WWOX: variants seen among roughly 807,000 people sequenced by gnomAD.
WWOX encodes WW domain containing oxidoreductase.
A neutral mutation model predicts 46.2 loss-of-function variants in WWOX; 69 were observed. That is an observed-to-expected ratio of 1.49 (90% confidence interval 1.23 to 1.82). The LOEUF (loss-of-function observed/expected upper bound fraction) is 1.82. WWOX is among the 40% of genes most tolerant of loss of function. The probability of loss-of-function intolerance (pLI) is 0.00; values close to 1 mark genes in which losing one functional copy is unlikely to be tolerated. For missense variants in WWOX, 919 were observed against 542.6 expected (o/e 1.69, Z -6.89); for synonymous variants, 359 against 202.6 (o/e 1.77, Z -6.56).
At chr16:78,998,268 A>G (rs965055097) in intron 8 of WWOX, among the ~76,000 whole-genome samples, 1 of 152,170 alleles carries the variant, frequency 6.6e-6, no homozygotes, top group Non-Finnish European at 1.5e-5. Context: ...TGGACTGCAC[A>G]TCAGTTCATT....
At chr16:78,227,231 C>T (rs1231114915) in intron 5 of WWOX, among the ~76,000 whole-genome samples, 2 of 152,138 alleles carry the variant, frequency 1.3e-5, no homozygotes, top group African/African-American at 2.4e-5. Flanking sequence ...GCGAATTGTA[C>T]GCTTTAAGGT....
chr16:79,142,436 C>G (rs1472039170), intron 8 of WWOX, among the ~76,000 whole-genome samples: 2 of 152,158 alleles, frequency 1.3e-5, no homozygotes, highest in African/African-American at 4.8e-5. Flanking sequence ...AGAATATTTT[C>G]ACCACGGAAA....
At chr16:78,414,565 A>C (rs929686329) in intron 6 of WWOX, among the ~76,000 whole-genome samples, 4 of 152,174 alleles carry the variant, frequency 2.6e-5, no homozygotes, top group African/African-American at 4.8e-5. Flanking sequence ...AAACTGTCTT[A>C]AAACAAACAA....
intron 4 of WWOX, 53 bp from the exon 5 acceptor site, chr16:78,164,130 A>T: frequency 6.6e-7 from 1 of 1,513,296 alleles, no homozygotes; most frequent in Non-Finnish European, 9.1e-7. Context: ...ATTCAACATG[A>T]CTCACTGTGT....
intron 8 of WWOX, among the ~76,000 whole-genome samples, chr16:78,908,371 C>G (rs2045020906): frequency 6.6e-6 from 1 of 152,134 alleles, no homozygotes; most frequent in South Asian, 2.1e-4. Flanking sequence ...GAAACCCCAT[C>G]CCTACTAAAG....
At chr16:78,374,773 A>G (rs1252079316) in intron 5 of WWOX, among the ~76,000 whole-genome samples, 2 of 151,682 alleles carry the variant, frequency 1.3e-5, no homozygotes, top group Admixed American at 1.3e-4. Flanking sequence ...GATGGTCTTG[A>G]TCTCCTGACC....
chr16:78,461,557 A>G (rs1271779696), intron 8 of WWOX, among the ~76,000 whole-genome samples: 1 of 152,216 alleles, frequency 6.6e-6, no homozygotes, highest in East Asian at 1.9e-4. Flanking sequence ...CCATGTGTGT[A>G]TGTCTAACCC....
chr16:78,383,500 T>C (rs764898027), intron 5 of WWOX, among the ~76,000 whole-genome samples: 1 of 152,046 alleles, frequency 6.6e-6, no homozygotes, highest in Non-Finnish European at 1.5e-5. Context: ...GCAGATCGAG[T>C]CTCTTGTCCT....
intron 8 of WWOX, among the ~76,000 whole-genome samples, chr16:78,440,725 TCTC>T (rs1254556710): frequency 2.0e-5 from 3 of 151,950 alleles, no homozygotes; most frequent in African/African-American, 7.2e-5. Context: ...TTCAAGCAAT[TCTC>T]CTGCCTCAGC....
intron 5 of WWOX, among the ~76,000 whole-genome samples, chr16:78,337,232 G>T (rs1003066032): frequency 2.6e-5 from 4 of 152,166 alleles, no homozygotes; most frequent in African/African-American, 9.7e-5. Context: ...CCAAGAGTGG[G>T]TAGGAATCCT....
chr16:78,677,634 C>G (rs573800999), intron 8 of WWOX, among the ~76,000 whole-genome samples: 1 of 152,188 alleles, frequency 6.6e-6, no homozygotes, highest in African/African-American at 2.4e-5. Flanking sequence ...TTTTATGATA[C>G]CTGCCTGGGG....
At chr16:78,379,576 C>G (rs886148854) in intron 5 of WWOX, among the ~76,000 whole-genome samples, 2 of 152,170 alleles carry the variant, frequency 1.3e-5, no homozygotes, top group Admixed American at 1.3e-4. Flanking sequence ...GCCAGGGATT[C>G]TTTTGTTGGA....
chr16:79,154,502 G>GC (rs2050342364), intron 8 of WWOX, among the ~76,000 whole-genome samples: 1 of 116,230 alleles, frequency 8.6e-6, no homozygotes, highest in Non-Finnish European at 1.8e-5. Context: ...ATCCTCTTTT[G>GC]CAAAAAAAAA....
intron 5 of WWOX, among the ~76,000 whole-genome samples, chr16:78,337,063 C>T (rs891250024): frequency 6.6e-6 from 1 of 152,118 alleles, no homozygotes; most frequent in African/African-American, 2.4e-5. Context: ...TTACAGGTGT[C>T]AGCTAGTGCA....
chr16:78,584,302 C>T (rs1037931374), intron 8 of WWOX, among the ~76,000 whole-genome samples: 1 of 152,170 alleles, frequency 6.6e-6, no homozygotes, highest in African/African-American at 2.4e-5. Flanking sequence ...AGTCATGAGT[C>T]AAAGATGGTC....
At chr16:78,443,296 C>G (rs551257233) in intron 8 of WWOX, among the ~76,000 whole-genome samples, 1 of 151,762 alleles carries the variant, frequency 6.6e-6, no homozygotes, top group African/African-American at 2.4e-5. Flanking sequence ...CAGAGTGAGA[C>G]TGAAAAACAA....
chr16:79,006,478 A>T (rs1229827033), intron 8 of WWOX, among the ~76,000 whole-genome samples: 1 of 150,798 alleles, frequency 6.6e-6, no homozygotes, highest in Non-Finnish European at 1.5e-5. Context: ...AATTTCTTGA[A>T]TGCTTTTAGC....
chr16:78,353,838 G>A (rs974325631), intron 5 of WWOX, among the ~76,000 whole-genome samples: 2 of 152,220 alleles, frequency 1.3e-5, no homozygotes, highest in African/African-American at 2.4e-5. Context: ...CTTGGGTGGC[G>A]TTCGCTTTAC....
intron 8 of WWOX, among the ~76,000 whole-genome samples, chr16:79,208,095 C>G (rs928517307): frequency 1.3e-5 from 2 of 152,196 alleles, no homozygotes; most frequent in African/African-American, 2.4e-5. Flanking sequence ...ATGATGAATC[C>G]TTATTACCAA....
Sources: allele counts gnomAD v4.1 joint callset (sites outside exome capture counted in the v4.1 genomes callset), GRCh38; gene constraint gnomAD v4.1.1; transcripts MANE v1.5; gene names NCBI Gene and HGNC (gene_info 2026-07-23, HGNC 2026-07-21).